VGLL4: variants seen among roughly 807,000 people sequenced by gnomAD.
The protein encoded by VGLL4 is transcription cofactor vestigial-like protein 4.
In VGLL4, 7 loss-of-function variants were observed where a neutral mutation model predicts 21.0. That is an observed-to-expected ratio of 0.33 (90% CI 0.19 to 0.63). The LOEUF (loss-of-function observed/expected upper bound fraction) is 0.63. Among genes scored for constraint, VGLL4 ranks in the 20% least tolerant of loss-of-function variants. VGLL4 has a pLI of 0.78. For missense variants in VGLL4, 394 were observed against 425.7 expected, an observed-to-expected ratio of 0.93 and a Z score of 0.66; for synonymous variants, 222 against 173.2, an observed-to-expected ratio of 1.28 and a Z score of -2.21.
intron 2 of VGLL4, among the ~76,000 whole-genome samples, chr3:11,590,555 C>T (rs550663665): frequency 1.3e-5 from 2 of 152,262 alleles, no homozygotes; most frequent in South Asian, 4.1e-4. Flanking sequence ...AACTCAGATC[C>T]CTTGTCTGGC....
chr3:11,708,689 G>GA (rs1465710458), intron 1 of VGLL4, among the ~76,000 whole-genome samples: 2 of 152,212 alleles, frequency 1.3e-5, no homozygotes, highest in African/African-American at 4.8e-5. Flanking sequence ...TGCTGCATCT[G>GA]AAAAACAAAT....
At chr3:11,605,231 A>C (rs9863341) in intron 1 of VGLL4, among the ~76,000 whole-genome samples, 11 of 5,728 alleles carry the variant, frequency 1.9e-3, no homozygotes, top group African/African-American at 3.4e-3. Context: ...CCCCACGCCC[A>C]CCCCCCACCC....
At chr3:11,689,421 A>G (rs2076495418) in intron 2 of VGLL4, among the ~76,000 whole-genome samples, 3 of 152,160 alleles carry the variant, frequency 2.0e-5, no homozygotes, top group Non-Finnish European at 4.4e-5. Context: ...TTGCTTCTCA[A>G]GCCAACCTAG....
At chr3:11,630,826 A>G (rs1467055971) in intron 1 of VGLL4, among the ~76,000 whole-genome samples, 2 of 152,172 alleles carry the variant, frequency 1.3e-5, no homozygotes, top group Non-Finnish European at 2.9e-5. Context: ...AAATGACCAC[A>G]TATGTCCACA....
At chr3:11,574,487 G>A (rs1485686200) in intron 2 of VGLL4, among the ~76,000 whole-genome samples, 1 of 152,198 alleles carries the variant, frequency 6.6e-6, no homozygotes, top group African/African-American at 2.4e-5. Context: ...CAGAGGCTGG[G>A]AAGGGTAGGG....
chr3:11,666,704 G>A (rs1225865111), intron 2 of VGLL4, among the ~76,000 whole-genome samples: 1 of 152,180 alleles, frequency 6.6e-6, no homozygotes, highest in African/African-American at 2.4e-5. Context: ...CTGGACACAG[G>A]CTTGGAAATC....
upstream of VGLL4, chr3:11,643,995 G>A (rs2075747365): frequency 2.0e-6 from 2 of 990,336 alleles, no homozygotes; most frequent in Non-Finnish European, 2.4e-6. Flanking sequence ...TGCCGAGGCA[G>A]GGAGGGCTTC....
rs369261158 is a variant in VGLL4, at chr3:11,641,159, TTAGAG to T, written c.82+2273_82+2277del. On this transcript the variant is annotated intron_variant, in intron 1 of 4. Coordinates refer to ENST00000430365, the MANE Select transcript of VGLL4 (RefSeq NM_001128219.3). ...AAAAAGACCAGACACATGGTTTATT[TTAGAG>T]TAGAGCTATGTCTCATACAACTAAG... 5.9e-3 allele frequency among the ~76,000 whole-genome samples: 897 copies of T among 151,960 alleles called. 5 individuals are homozygous for T. The highest frequency in any genetic ancestry group is 0.023 in the South Asian group (112 of 4,800).
intron 1 of VGLL4, among the ~76,000 whole-genome samples, chr3:11,639,234 C>T (rs755464409): frequency 5.9e-5 from 9 of 152,222 alleles, no homozygotes; most frequent in Non-Finnish European, 8.8e-5. Context: ...TGAGGAAAGC[C>T]CGTGGTCTAA....
At chr3:11,638,494 T>C (rs1405388096) in intron 1 of VGLL4, among the ~76,000 whole-genome samples, 1 of 152,110 alleles carries the variant, frequency 6.6e-6, no homozygotes, top group African/African-American at 2.4e-5. Flanking sequence ...TGGGCATGTT[T>C]TACTAACCAA....
chr3:11,686,177 G>T (rs991976427), intron 2 of VGLL4, among the ~76,000 whole-genome samples: 18 of 152,020 alleles, frequency 1.2e-4, no homozygotes, highest in African/African-American at 4.4e-4. Flanking sequence ...TCTGCTTCTG[G>T]GTATATACCG....
rs1172109698 is a variant in VGLL4, at chr3:11,719,169, G to A, written c.-14+1225C>T. 2.6e-5 allele frequency among the ~76,000 whole-genome samples: 4 copies of A among 152,072 alleles called. No individual in the cohort carries two copies. The highest frequency in any genetic ancestry group is 2.0e-4 in the Admixed American group (3 of 15,274). ...CATCACAGCCCTCCCTGAGGCCGGC[G>A]GGGACCGCGGGGTGCCAGGCGCGGG... is the stretch of plus-strand genomic sequence containing the variant. On this transcript the variant is annotated intron_variant, in intron 1 of 5. Coordinates refer to the VGLL4 transcript ENST00000273038. This position sits in a 1 kb window ranked among gnomAD's most constrained non-coding sequence, Gnocchi z 4.0.
chr3:11,609,614 G>A (rs564024626), intron 1 of VGLL4, among the ~76,000 whole-genome samples: 1 of 152,210 alleles, frequency 6.6e-6, no homozygotes, highest in African/African-American at 2.4e-5. Flanking sequence ...GAGATGGGGC[G>A]AGTGATTGGG....
chr3:11,588,173 A>T (rs1046362261), intron 2 of VGLL4, among the ~76,000 whole-genome samples: 1 of 152,168 alleles, frequency 6.6e-6, no homozygotes, highest in South Asian at 2.1e-4. Context: ...TTTTTCATTC[A>T]CACATTTACT....
In VGLL4 at chr3:11,643,788, C is replaced by T; in HGVS notation, c.-270G>A. ...AGTATGAAAACAGCGTTTCAGAAGT[C>T]CTTACAAGTCCTTCCTGGAAATGGA... is the stretch of plus-strand genomic sequence containing the variant. On this transcript the variant is annotated 5_prime_UTR_variant, in exon 1 of 5. Coordinates refer to ENST00000430365, the MANE Select transcript of VGLL4 (RefSeq NM_001128219.3). 8.6e-7 allele frequency: 1 copy of T among 1,161,948 alleles called. No individual in the cohort carries two copies. 72.0% of individuals were successfully genotyped at this position (1,161,948 alleles called of 1,614,324 possible).
At chr3:11,627,326 C>G (rs2075373557) in intron 1 of VGLL4, 1 of 151,738 alleles carries the variant, frequency 6.6e-6, no homozygotes, top group South Asian at 2.1e-4. Context: ...ATCTGTAATC[C>G]CAGCACTTTG....
At chr3:11,596,004 T>TA (rs879314163) in intron 2 of VGLL4, among the ~76,000 whole-genome samples, 15 of 148,914 alleles carry the variant, frequency 1.0e-4, no homozygotes, top group Admixed American at 3.3e-4. Flanking sequence ...TAAGATAAAA[T>TA]AAAAAAAAAG....
upstream of VGLL4, among the ~76,000 whole-genome samples, chr3:11,644,773 G>A (rs1258920003): frequency 6.7e-6 from 1 of 149,564 alleles, no homozygotes; most frequent in Admixed American, 6.7e-5. Context: ...TTGAACCTGA[G>A]AGGAGGAGGA....
intron 1 of VGLL4, among the ~76,000 whole-genome samples, chr3:11,632,456 T>C (rs967259906): frequency 6.6e-6 from 1 of 152,194 alleles, no homozygotes; most frequent in African/African-American, 2.4e-5. Context: ...GTTCCCAGTA[T>C]AGTGACAGAT....
Sources: allele counts gnomAD v4.1 joint callset (sites outside exome capture counted in the v4.1 genomes callset), GRCh38; gene constraint gnomAD v4.1.1; non-coding constraint Gnocchi (gnomAD v3.1); transcripts MANE v1.5; gene names NCBI Gene and HGNC (gene_info 2026-07-23, HGNC 2026-07-21).